Variants in EFCAB9 observed in about 807,000 individuals in gnomAD.
EFCAB9 encodes EF-hand calcium binding domain 9, also known as EF-hand calcium-binding domain-containing protein 9.
A neutral mutation model predicts 15.6 loss-of-function variants in EFCAB9; 16 were observed. That is an observed-to-expected ratio of 1.03 (90% CI 0.69 to 1.56). The LOEUF is 1.56. Ranked by LOEUF, EFCAB9 falls within the 40% of genes most tolerant of loss-of-function variation. EFCAB9 has a pLI of 0.00. For synonymous variants in EFCAB9, 76 were observed against 85.4 expected (o/e 0.89, Z 0.61); for missense variants, 208 against 235.4 (o/e 0.88, Z 0.76).
chr5:172,199,664 C>T (rs1468752574), intron 2 of EFCAB9, 133 bp downstream of exon 2: 14 of 1,338,214 alleles, frequency 1.0e-5, no homozygotes, highest in South Asian at 4.4e-5. Flanking sequence ...TTTTGGTTCC[C>T]GAATGGTTCA....
At chr5:172,197,975 T>C (rs1462188262) in intron 1 of EFCAB9, among the ~76,000 whole-genome samples, 1 of 152,234 alleles carries the variant, frequency 6.6e-6, no homozygotes, top group Non-Finnish European at 1.5e-5. Context: ...TTGGTGCATT[T>C]ACAATCCTTT....
intron 2 of EFCAB9, among the ~76,000 whole-genome samples, chr5:172,200,133 G>A (rs906041401): frequency 2.0e-5 from 3 of 151,810 alleles, no homozygotes; most frequent in Non-Finnish European, 4.4e-5. Flanking sequence ...TGGCCAGGCT[G>A]GTCTCAAACT....
At chr5:172,201,113 C>T (rs77661959) in intron 3 of EFCAB9, among the ~76,000 whole-genome samples, 2 of 150,902 alleles carry the variant, frequency 1.3e-5, no homozygotes, top group East Asian at 2.0e-4. Context: ...TGGTGGCTCA[C>T]GCCTATAATG....
At chr5:172,199,089 C>T (rs1462198321) in intron 1 of EFCAB9, among the ~76,000 whole-genome samples, 1 of 152,212 alleles carries the variant, frequency 6.6e-6, no homozygotes, top group African/African-American at 2.4e-5. Context: ...TTTATCAGTG[C>T]TGTGTACATA....
chr5:172,202,869 G>A (rs774416313), intron 3 of EFCAB9, among the ~76,000 whole-genome samples: 1 of 152,120 alleles, frequency 6.6e-6, no homozygotes, highest in Non-Finnish European at 1.5e-5. Context: ...GCGTGGTGGT[G>A]TGCATCTGTA....
intron 3 of EFCAB9, among the ~76,000 whole-genome samples, chr5:172,202,715 A>T (rs1338715986): frequency 1.3e-5 from 2 of 151,696 alleles, no homozygotes; most frequent in Non-Finnish European, 2.9e-5. Context: ...CTCAAAAAAA[A>T]AAAAGGCCAG....
rs761791456 is a variant in EFCAB9, at chr5:172,203,169, G to A, written c.463-45G>A. ...CCTATCATCTGAAACAAAGTATGAA[G>A]TTTTTCCTGAAATAATTTTTCTTTC... On this transcript the variant is annotated intron_variant, in intron 3 of 3. Coordinates refer to ENST00000398186, the MANE Select transcript of EFCAB9 (RefSeq NM_001171183.2). The A allele has an allele frequency of 2.8e-6, 4 of 1,453,456 alleles. No homozygotes were observed. In the South Asian group the frequency reaches 4.0e-5, roughly 15 times the overall value. 90.0% of individuals were successfully genotyped at this position (1,453,456 alleles called of 1,614,324 possible). A position where few individuals can be genotyped will look rare whatever the true frequency, so the allele number is the denominator to read the frequency against.
At chr5:172,196,022 G>C (rs1028732184) in intron 1 of EFCAB9, among the ~76,000 whole-genome samples, 2 of 152,032 alleles carry the variant, frequency 1.3e-5, no homozygotes, top group African/African-American at 2.4e-5. Context: ...GGCCAGGCTA[G>C]TCTCTGTTGG....
intron 2 of EFCAB9, among the ~76,000 whole-genome samples, chr5:172,200,129 G>A (rs1302981810): frequency 4.6e-5 from 7 of 151,898 alleles, no homozygotes; most frequent in Non-Finnish European, 1.0e-4. Context: ...ATGTTGGCCA[G>A]GCTGGTCTCA....
At chr5:172,196,162 C>A (rs11134734) in intron 1 of EFCAB9, among the ~76,000 whole-genome samples, 6 of 151,856 alleles carry the variant, frequency 4.0e-5, no homozygotes, top group Admixed American at 2.0e-4. Context: ...CTAAGTTGCA[C>A]ATGGAAACAT....
Position 172,196,151 on chromosome 5 carries a change from A to G in EFCAB9, c.136+1843A>G, listed in dbSNP as rs1256611325. Among the ~76,000 whole-genome samples the G allele has an allele frequency of 3.3e-5, 5 of 152,080 alleles. No homozygotes were observed. In the East Asian group the frequency reaches 9.6e-4, roughly 29 times the overall value. On this transcript the variant is annotated intron_variant, in intron 1 of 3. Coordinates refer to ENST00000398186, the MANE Select transcript of EFCAB9 (RefSeq NM_001171183.2). Reference sequence around the variant, plus strand: ...TCAAAACAGTCTTTGTTAAGTAATTACTAAGTTGCACATGGAAACATTTCT... The same window carrying G: ...TCAAAACAGTCTTTGTTAAGTAATTGCTAAGTTGCACATGGAAACATTTCT...
At chr5:172,199,661 T>C in intron 2 of EFCAB9, 130 bp downstream of exon 2, 1 of 1,344,978 alleles carries the variant, frequency 7.4e-7, no homozygotes, top group Non-Finnish European at 9.9e-7. Flanking sequence ...GAGTTTTGGT[T>C]CCCGAATGGT....
intron 1 of EFCAB9, among the ~76,000 whole-genome samples, chr5:172,195,851 A>C (rs777046218): frequency 6.6e-6 from 1 of 152,144 alleles, no homozygotes; most frequent in Admixed American, 6.6e-5. Context: ...TCTGTCGCCC[A>C]GAAGTGCAGT....
chr5:172,195,553 G>T (rs1771146649), intron 1 of EFCAB9, among the ~76,000 whole-genome samples: 1 of 152,196 alleles, frequency 6.6e-6, no homozygotes, highest in East Asian at 1.9e-4. Context: ...GAAACGCAGG[G>T]CTCTCTGCCT....
intron 2 of EFCAB9, 150 bp from the exon 3 acceptor site, chr5:172,200,416 A>T (rs2113860718): frequency 1.4e-6 from 1 of 727,306 alleles, no homozygotes; most frequent in East Asian, 2.9e-5. Context: ...GCATTTGCTG[A>T]TAGAACCCTT....
At chr5:172,200,231 T>G (rs1771234698) in intron 2 of EFCAB9, among the ~76,000 whole-genome samples, 1 of 152,112 alleles carries the variant, frequency 6.6e-6, no homozygotes, top group Non-Finnish European at 1.5e-5. Context: ...CAGTTCCCAT[T>G]TTTTTGAGGG....
At chr5:172,195,250 C>G (rs1771140948) in intron 1 of EFCAB9, among the ~76,000 whole-genome samples, 1 of 151,810 alleles carries the variant, frequency 6.6e-6, no homozygotes, top group Non-Finnish European at 1.5e-5. Flanking sequence ...AGTTCACAAA[C>G]TAATAGAAGT....
chr5:172,195,133 T>C (rs1488080599), intron 1 of EFCAB9, among the ~76,000 whole-genome samples: 4 of 151,110 alleles, frequency 2.6e-5, no homozygotes, highest in Non-Finnish European at 5.9e-5. Flanking sequence ...CTTCTACTTA[T>C]TGGTACTTGT....
chr5:172,197,945 A>C (rs1771188599), intron 1 of EFCAB9, among the ~76,000 whole-genome samples: 1 of 152,122 alleles, frequency 6.6e-6, no homozygotes, highest in Non-Finnish European at 1.5e-5. Context: ...ACAATCCTTT[A>C]GTTAGACACA....
Sources: gnomAD v4.1 joint callset for allele counts (sites outside exome capture counted in the v4.1 genomes callset) on GRCh38, gnomAD v4.1.1 for gene constraint, MANE v1.5 for transcripts, NCBI Gene and HGNC (gene_info 2026-07-23, HGNC 2026-07-21) for gene names.